PIP5K1B: variants seen among roughly 807,000 people sequenced by gnomAD.
PIP5K1B encodes the protein phosphatidylinositol 4-phosphate 5-kinase type-1 beta.
Under a neutral mutation model 67.0 loss-of-function variants are expected in PIP5K1B, and 42 were observed. The observed-to-expected ratio is 0.63, with a 90% confidence interval of 0.49 to 0.81. PIP5K1B has a LOEUF of 0.81. Ranked by LOEUF, PIP5K1B falls within the 30% of genes least tolerant of loss-of-function variation. The probability of loss-of-function intolerance (pLI) is 0.00; values close to 1 mark genes in which losing one functional copy is unlikely to be tolerated. For synonymous variants in PIP5K1B, 214 were observed against 231.4 expected (o/e 0.92, Z 0.68); for missense variants, 459 against 646.3 (o/e 0.71, Z 3.14).
intron 8 of PIP5K1B, among the ~76,000 whole-genome samples, chr9:68,913,594 C>T (rs1202388988): frequency 6.6e-6 from 1 of 152,130 alleles, no homozygotes; most frequent in Non-Finnish European, 1.5e-5. Flanking sequence ...AAAATATATG[C>T]ATATACATTT....
chr9:68,907,877 G>T (rs1033730911), intron 8 of PIP5K1B, among the ~76,000 whole-genome samples: 6 of 152,184 alleles, frequency 3.9e-5, no homozygotes, highest in Non-Finnish European at 5.9e-5. Flanking sequence ...AACCATCAAG[G>T]TCTTATTTAT....
In PIP5K1B at chr9:68,858,980, G is replaced by A. The variant is rs528306546; in HGVS notation, c.70-4857G>A. 1.3e-3 allele frequency among the ~76,000 whole-genome samples: 197 copies of A among 152,188 alleles called. 2 individuals are homozygous for A. Among genetic ancestry groups the A allele is most frequent in the African/African-American group, 4.5e-3 (186 of 41,506 alleles). ...TTTCATCATTATTATCTCATTGTTC[G>A]CTGCTTCTCAGCTTTTATCAGATCC... On this transcript the variant is annotated intron_variant, in intron 4 of 15. Coordinates refer to ENST00000265382, the MANE Select transcript of PIP5K1B (RefSeq NM_003558.4).
chr9:68,952,823 C>T lies in PIP5K1B; in HGVS notation c.1502+12033C>T, dbSNP rs576213928. Among the ~76,000 whole-genome samples the T allele has an allele frequency of 1.6e-3, 248 of 151,646 alleles. 2 individuals carry two copies. The highest frequency in any genetic ancestry group is 5.9e-3 in the African/African-American group (242 of 41,230). ...TCTGCCTGTCTGCCTGCCTGCCTGC[C>T]TGCCTTCCTTCCTTCCTTCCTTTCT... On this transcript the variant is annotated intron_variant, in intron 14 of 15. Coordinates refer to ENST00000265382, the MANE Select transcript of PIP5K1B (RefSeq NM_003558.4).
chr9:68,938,579 T>C (rs1441775978), intron 13 of PIP5K1B, among the ~76,000 whole-genome samples: 1 of 152,234 alleles, frequency 6.6e-6, no homozygotes, highest in Non-Finnish European at 1.5e-5. Flanking sequence ...TTGGGGCATT[T>C]AGCCCATTTA....
chr9:68,872,131 AT>A (rs758299262), intron 5 of PIP5K1B, among the ~76,000 whole-genome samples: 5 of 152,210 alleles, frequency 3.3e-5, no homozygotes, highest in Non-Finnish European at 7.3e-5. Context: ...CAGTTCTGCC[AT>A]GGTGGAAGTT....
chr9:68,986,487 G>A (rs554289020), intron 14 of PIP5K1B, among the ~76,000 whole-genome samples: 2 of 151,870 alleles, frequency 1.3e-5, no homozygotes, highest in South Asian at 4.2e-4. Context: ...CTGGATACAT[G>A]TCTCGATGAG....
At chr9:68,891,443 T>C (rs1824780093) in intron 7 of PIP5K1B, among the ~76,000 whole-genome samples, 1 of 142,478 alleles carries the variant, frequency 7.0e-6, no homozygotes, top group African/African-American at 2.5e-5. Flanking sequence ...GGCAGGGGAG[T>C]TTTTTTTTTT....
chr9:68,968,305 A>G (rs959785580), intron 14 of PIP5K1B, among the ~76,000 whole-genome samples: 10 of 152,166 alleles, frequency 6.6e-5, no homozygotes, highest in African/African-American at 2.2e-4. Context: ...GGATCACTTG[A>G]GGTCAGGAGT....
intron 4 of PIP5K1B, among the ~76,000 whole-genome samples, chr9:68,825,459 C>T (rs1389842480): frequency 6.6e-6 from 1 of 152,170 alleles, no homozygotes; most frequent in Non-Finnish European, 1.5e-5. Flanking sequence ...TTTGCAAATG[C>T]AAATGACAAA....
intron 1 of PIP5K1B, among the ~76,000 whole-genome samples, chr9:68,733,884 C>T (rs761421554): frequency 1.3e-5 from 2 of 152,048 alleles, no homozygotes; most frequent in Non-Finnish European, 2.9e-5. Context: ...GTGATCCACC[C>T]GCTTCGGCCT....
At chr9:68,886,133 T>G (rs940198691) in intron 6 of PIP5K1B, among the ~76,000 whole-genome samples, 23 of 152,102 alleles carry the variant, frequency 1.5e-4, no homozygotes, top group African/African-American at 5.3e-4. Flanking sequence ...GAGCCGAGAT[T>G]GTACCACTGC....
At chr9:68,846,480 C>T (rs539512598) in intron 4 of PIP5K1B, among the ~76,000 whole-genome samples, 3 of 152,258 alleles carry the variant, frequency 2.0e-5, no homozygotes, top group Admixed American at 6.5e-5. Context: ...TGATGTCATT[C>T]CTTAGTCCTT....
intron 14 of PIP5K1B, among the ~76,000 whole-genome samples, chr9:68,953,602 G>A (rs1828211441): frequency 6.6e-6 from 1 of 151,886 alleles, no homozygotes; most frequent in Non-Finnish European, 1.5e-5. Flanking sequence ...GACTGTTGGA[G>A]CCCAGGAGTT....
intron 14 of PIP5K1B, among the ~76,000 whole-genome samples, chr9:68,944,880 G>A (rs2132656312): frequency 6.6e-6 from 1 of 152,274 alleles, no homozygotes; most frequent in East Asian, 1.9e-4. Flanking sequence ...ATCAGAAAAT[G>A]GAAATGCAGA....
At chr9:68,979,787 G>A (rs1355053704) in intron 14 of PIP5K1B, among the ~76,000 whole-genome samples, 5 of 152,322 alleles carry the variant, frequency 3.3e-5, no homozygotes, top group African/African-American at 9.6e-5. Context: ...GGGAGCCATC[G>A]GTTGATACCA....
intron 15 of PIP5K1B, among the ~76,000 whole-genome samples, chr9:68,998,827 A>C (rs1033518549): frequency 6.6e-6 from 1 of 152,228 alleles, no homozygotes; most frequent in African/African-American, 2.4e-5. Context: ...TATTCGGTTT[A>C]TAAAAAATAA....
At chr9:68,822,386 T>C (rs117834791) in intron 3 of PIP5K1B, 5,243 of 420,564 alleles carry the variant, frequency 0.012, 54 homozygotes, top group Middle Eastern at 0.02. Flanking sequence ...TCTTAGAGCA[T>C]ATGGGATAAA....
intron 14 of PIP5K1B, among the ~76,000 whole-genome samples, chr9:68,970,993 T>G (rs1232647240): frequency 2.6e-5 from 4 of 152,200 alleles, no homozygotes; most frequent in African/African-American, 4.8e-5. Context: ...TTTATGTATT[T>G]ATTTATTGAT....
At chr9:68,864,766 C>A (rs57959911) in intron 5 of PIP5K1B, among the ~76,000 whole-genome samples, 65,622 of 151,704 alleles carry the variant, frequency 0.43, 14,400 homozygotes, top group South Asian at 0.51. Flanking sequence ...TTCAAATGAT[C>A]CAGAAAATAA....
Sources: allele counts gnomAD v4.1 joint callset (sites outside exome capture counted in the v4.1 genomes callset), GRCh38; gene constraint gnomAD v4.1.1; transcripts MANE v1.5; gene names NCBI Gene and HGNC (gene_info 2026-07-23, HGNC 2026-07-21).